Variants in ATP13A5 observed in about 807,000 individuals in gnomAD.
ATP13A5 encodes ATPase 13A5.
ATP13A5 carries 149 observed loss-of-function variants against 150.2 expected under a neutral mutation model. The ratio of observed to expected loss-of-function variants is 0.99; its 90% confidence interval spans 0.87 to 1.14. ATP13A5 has a LOEUF of 1.14. ATP13A5 is among the 50% of genes most tolerant of loss of function. The pLI, the probability that ATP13A5 is intolerant of heterozygous loss-of-function variation, is 0.00. For missense variants in ATP13A5, 1,383 were observed against 1,449.3 expected (o/e 0.95, Z 0.74); for synonymous variants, 497 against 522.2 (o/e 0.95, Z 0.66).
intron 12 of ATP13A5, among the ~76,000 whole-genome samples, chr3:193,328,612 T>C (rs1051810178): frequency 2.0e-5 from 3 of 152,040 alleles, no homozygotes; most frequent in South Asian, 2.1e-4. Flanking sequence ...TAACCATAAA[T>C]AGAGAAAACT....
At chr3:193,336,376 A>G (rs555715529) in intron 9 of ATP13A5, among the ~76,000 whole-genome samples, 2 of 152,118 alleles carry the variant, frequency 1.3e-5, no homozygotes, top group Non-Finnish European at 1.5e-5. Context: ...TCCTAATGCT[A>G]TCCCTCCCCA....
chr3:193,366,511 G>A (rs530862990), intron 1 of ATP13A5, among the ~76,000 whole-genome samples: 56 of 152,022 alleles, frequency 3.7e-4, no homozygotes, highest in Admixed American at 1.8e-3. Context: ...GAGAGCAAAG[G>A]AAGGATATTT....
At chr3:193,358,210 G>A (rs1712864210) in intron 5 of ATP13A5, among the ~76,000 whole-genome samples, 1 of 152,168 alleles carries the variant, frequency 6.6e-6, no homozygotes, top group African/African-American at 2.4e-5. Flanking sequence ...ACAATGTCAA[G>A]CCAGGAGATT....
At position 193,310,718 on chromosome 3, in the gene ATP13A5, C is replaced by G. The variant is rs1483196002; in HGVS notation, c.2446-1G>C. 1.9e-6 allele frequency: 3 copies of G among 1,596,592 alleles called. No homozygotes were observed. The highest frequency in any genetic ancestry group is 2.6e-6 in the Non-Finnish European group (3 of 1,175,292). ...CAAAAACTGTTCCATTCACCAGAAT[C>G]TAAAAAGAAAAAACAACCATTGCAA... On this transcript the variant is annotated splice_acceptor_variant, in intron 20 of 29. Coordinates refer to ENST00000342358, the MANE Select transcript of ATP13A5 (RefSeq NM_198505.4). LOFTEE classifies it high-confidence loss of function.
At chr3:193,332,795 T>A (rs1244517823) in intron 11 of ATP13A5, among the ~76,000 whole-genome samples, 1 of 152,112 alleles carries the variant, frequency 6.6e-6, no homozygotes, top group Non-Finnish European at 1.5e-5. Context: ...GGATTATTAG[T>A]CTTGTTGCCT....
chr3:193,354,906 T>C (rs4686632), intron 5 of ATP13A5, among the ~76,000 whole-genome samples: 1 of 148,364 alleles, frequency 6.7e-6, no homozygotes, highest in African/African-American at 2.5e-5. Context: ...GTAGCCAAAA[T>C]TGCACACATC....
intron 28 of ATP13A5, among the ~76,000 whole-genome samples, chr3:193,277,412 A>G (rs1717270023): frequency 6.6e-6 from 1 of 152,184 alleles, no homozygotes; most frequent in Admixed American, 6.5e-5. Context: ...TGTGAGAGCC[A>G]TAACTTCCCA....
intron 6 of ATP13A5, among the ~76,000 whole-genome samples, chr3:193,352,503 T>C (rs1476626111): frequency 1.3e-5 from 2 of 152,094 alleles, no homozygotes; most frequent in Admixed American, 6.5e-5. Flanking sequence ...GTTTTTTTTT[T>C]CTTTCTACTA....
chr3:193,340,267 G>T (rs1030213615), intron 9 of ATP13A5, among the ~76,000 whole-genome samples: 1 of 152,170 alleles, frequency 6.6e-6, no homozygotes, highest in African/African-American at 2.4e-5. Context: ...AGAACCATTA[G>T]ACTGTAAATG....
chr3:193,333,714 T>G (rs1284852400), intron 11 of ATP13A5, 36 bp downstream of exon 11: 1 of 1,590,726 alleles, frequency 6.3e-7, no homozygotes, highest in East Asian at 2.2e-5. Context: ...CTTTGCAGAA[T>G]CTATACTATT....
intron 23 of ATP13A5, among the ~76,000 whole-genome samples, 159 bp from the exon 24 acceptor site, chr3:193,301,466 T>G (rs1014703881): frequency 2.0e-5 from 3 of 152,218 alleles, no homozygotes; most frequent in African/African-American, 7.2e-5. Flanking sequence ...CATTCATTCA[T>G]TCTCTCCTTC....
intron 7 of ATP13A5, among the ~76,000 whole-genome samples, chr3:193,347,558 G>A (rs542014747): frequency 7.1e-6 from 1 of 140,914 alleles, no homozygotes; most frequent in Admixed American, 7.0e-5. Context: ...TTTAGATAAT[G>A]CCAAATTCAG....
At chr3:193,343,581 G>A (rs1413732932) in intron 9 of ATP13A5, among the ~76,000 whole-genome samples, 1 of 152,118 alleles carries the variant, frequency 6.6e-6, no homozygotes, top group East Asian at 1.9e-4. Flanking sequence ...TTTTGTACAT[G>A]TGTATAAACC....
In ATP13A5 at chr3:193,317,674, C is replaced by T. The variant is rs114498874; in HGVS notation, c.2033+1317G>A. 5.9e-3 allele frequency among the ~76,000 whole-genome samples: 893 copies of T among 152,242 alleles called. 13 individuals carry two copies. The highest frequency in any genetic ancestry group is 0.02 in the African/African-American group (848 of 41,546). On this transcript the variant is annotated intron_variant, in intron 17 of 29. Transcript: ENST00000342358. ...TTCTAAGAAAAACCAAAACCCTATCCTTTTACCCTGTTTGAAAATAGTAAC... is the reference window on the plus strand; with the variant it reads ...TTCTAAGAAAAACCAAAACCCTATCTTTTTACCCTGTTTGAAAATAGTAAC...
At position 193,275,362 on chromosome 3, in the gene ATP13A5, G is replaced by A. The variant is rs569769091; in HGVS notation, c.3397-60C>T. 9.5e-5 allele frequency: 149 copies of A among 1,575,284 alleles called. 1 individual carries two copies. In the South Asian group the frequency reaches 1.2e-3, roughly 12 times the overall value. On this transcript the variant is annotated intron_variant, in intron 29 of 29. Transcript: ENST00000342358. The stretch of plus-strand genomic sequence containing the variant: ...GCGCAGGTCCCCCTGCAGCCAGGCC[G>A]CTGGCCACCACAGCCACCTCCTTTC...
At chr3:193,283,760 G>C (rs79925272) in intron 27 of ATP13A5, among the ~76,000 whole-genome samples, 1 of 151,814 alleles carries the variant, frequency 6.6e-6, no homozygotes, top group African/African-American at 2.4e-5. Context: ...AAGGAAATAA[G>C]AGGCTAAGTC....
intron 25 of ATP13A5, among the ~76,000 whole-genome samples, chr3:193,294,841 A>G (rs914829077): frequency 6.6e-6 from 1 of 152,152 alleles, no homozygotes; most frequent in Non-Finnish European, 1.5e-5. Flanking sequence ...AAACATGCTC[A>G]CAACGCTTAA....
intron 1 of ATP13A5, among the ~76,000 whole-genome samples, chr3:193,365,838 A>G (rs1713219416): frequency 6.6e-6 from 1 of 152,092 alleles, no homozygotes; most frequent in African/African-American, 2.4e-5. Flanking sequence ...AAATTAAAAA[A>G]CAAACTCACA....
At chr3:193,348,411 G>T (rs562498767) in intron 7 of ATP13A5, among the ~76,000 whole-genome samples, 1 of 152,262 alleles carries the variant, frequency 6.6e-6, no homozygotes, top group East Asian at 1.9e-4. Context: ...TGAAGGCAAA[G>T]CACTGTGGGC....
Sources: gnomAD v4.1 joint callset for allele counts (sites outside exome capture counted in the v4.1 genomes callset) on GRCh38, gnomAD v4.1.1 for gene constraint, MANE v1.5 for transcripts, NCBI Gene and HGNC (gene_info 2026-07-23, HGNC 2026-07-21) for gene names.